The following OR10H1 variants were observed in gnomAD, a reference collection of about 807,000 sequenced individuals.
The protein encoded by OR10H1 is olfactory receptor 10H1.
Under a neutral mutation model 13.1 loss-of-function variants are expected in OR10H1, and 12 were observed. The observed-to-expected ratio is 0.92, with a 90% CI of 0.59 to 1.48. OR10H1 has a LOEUF of 1.48. Among genes scored for constraint, OR10H1 ranks in the 40% most tolerant of loss-of-function variants. The pLI, the probability that OR10H1 is intolerant of heterozygous loss-of-function variation, is 0.00. For synonymous variants in OR10H1, 168 were observed against 175.6 expected (o/e 0.96, Z 0.34); for missense variants, 363 against 413.1 (o/e 0.88, Z 1.05).
Position 15,813,562 on chromosome 19 carries a change from G to A in OR10H1, c.-777-684C>T, listed in dbSNP as rs550939266. On this transcript the variant is annotated intron_variant, in intron 1 of 3. Coordinates refer to ENST00000641419, the MANE Select transcript of OR10H1 (RefSeq NM_013940.4). ...AGAAAGAAAGAGAGGTGGGGAGAGAGAAAGAGAGAGACAGAGAGGTGGAGA... is the reference window on the plus strand; with the variant it reads ...AGAAAGAAAGAGAGGTGGGGAGAGAAAAAGAGAGAGACAGAGAGGTGGAGA... Among the ~76,000 whole-genome samples the A allele has an allele frequency of 1.2e-4, 18 of 150,672 alleles. No individual in the cohort carries two copies. The South Asian group carries it at 1.3e-3, about 11-fold the overall frequency.
chr19:15,808,340 G>A (rs2144941406), intron 3 of OR10H1, among the ~76,000 whole-genome samples: 1 of 152,238 alleles, frequency 6.6e-6, no homozygotes, highest in South Asian at 2.1e-4. Context: ...TAGCTGGGCT[G>A]GCTCTAAAAC....
chr19:15,814,486 A>T (rs879899081), intron 1 of OR10H1, among the ~76,000 whole-genome samples: 1,105 of 37,088 alleles, frequency 0.03, 4 homozygotes, highest in Non-Finnish European at 0.049. Flanking sequence ...TGTGTGAGAG[A>T]GAGAGAGAGA....
Position 15,807,277 on chromosome 19 carries a change from C to G in OR10H1, c.761G>C (p.Gly254Ala). 1 of 1,614,096 alleles carries G rather than the reference C, an allele frequency of 6.2e-7. No homozygotes were observed. Residue 254 changes from glycine (G) to alanine (A), a missense_variant, in exon 4 of 4, where the codon GGC (glycine) becomes GCC (alanine). Physicochemically the swap from Gly to Ala is moderately conservative, Grantham distance 60. This residue lies in a region of OR10H1 where 318 missense variants were observed against 366.6 expected (regional missense o/e 0.87). Coordinates refer to ENST00000641419, the MANE Select transcript of OR10H1 (RefSeq NM_013940.4). ...SHLTVVVVHY[G>A]FASVIYLKPK... is the part of the protein sequence containing the mutation. ...CTTCAGGTAAATGACGGAGGCAAAGCCATAGTGCACGACCACCACAGTGAG... is the reference window on the plus strand; with the variant it reads ...CTTCAGGTAAATGACGGAGGCAAAGGCATAGTGCACGACCACCACAGTGAG...
rs1455551780 is a variant in OR10H1 at position 15,812,752 on chromosome 19, G to GGGAC, written c.-652_-651insGTCC. 2 of 149,874 alleles carry GGGAC rather than the reference G, an allele frequency of 1.3e-5. No individual in the cohort carries two copies. The highest frequency in any genetic ancestry group is 4.1e-4 in the East Asian group (2 of 4,846). The allele number at this position is 149,874 out of a possible 1,614,324, so 9.3% of individuals were successfully genotyped here. ...AGGGAGGAATGGAGGGAGGAAGGAA[G>GGGAC]GGAGGGAGGGAGAAACCTTGAGAGG... On this transcript the variant is annotated 5_prime_UTR_variant, in exon 2 of 4. It removes the in-frame stop codon of an upstream open reading frame in the 5' UTR. Transcript: ENST00000641419.
chr19:15,811,642 A>C (rs1200399115), intron 2 of OR10H1, among the ~76,000 whole-genome samples: 1 of 151,986 alleles, frequency 6.6e-6, no homozygotes, highest in Non-Finnish European at 1.5e-5. Flanking sequence ...TCACCTGGCA[A>C]ACCCCTGTTT....
At chr19:15,811,252 T>A (rs1354338445) in intron 2 of OR10H1, among the ~76,000 whole-genome samples, 4 of 152,102 alleles carry the variant, frequency 2.6e-5, no homozygotes, top group Non-Finnish European at 5.9e-5. Context: ...GAGGAGTAAA[T>A]GACTTGGAAA....
Position 15,807,390 on chromosome 19 carries a change from G to A in OR10H1, c.648C>T (p.Leu216=), listed in dbSNP as rs910305437. Residue 216 remains leucine, a synonymous_variant, in exon 4 of 4, where the codon CTC becomes CTT. Coordinates refer to ENST00000641419, the MANE Select transcript of OR10H1 (RefSeq NM_013940.4). ...CGGCCACGATGAAGGCATAGGAGAG[G>A]AGGATGAGGAGAAAACAGCCCAGCA... ...TALLGCFLLI[L]LSYAFIVAAI... The A allele has an allele frequency of 6.2e-7, 1 of 1,614,182 alleles. No individual in the cohort carries two copies. Among genetic ancestry groups the A allele is most frequent in the Non-Finnish European group, 8.5e-7 (1 of 1,180,040 alleles).
chr19:15,811,297 T>C (rs2088931386), intron 2 of OR10H1, among the ~76,000 whole-genome samples: 1 of 152,132 alleles, frequency 6.6e-6, no homozygotes, highest in African/African-American at 2.4e-5. Flanking sequence ...ATGGGCGAGA[T>C]TGGTGCCCTG....
At chr19:15,814,508 A>G (rs1453450772) in intron 1 of OR10H1, among the ~76,000 whole-genome samples, 1 of 129,828 alleles carries the variant, frequency 7.7e-6, no homozygotes, top group Non-Finnish European at 1.7e-5. Context: ...AGAGAGAGAG[A>G]GAGAGAGAGA....
At position 15,812,761 on chromosome 19, in the gene OR10H1, G is replaced by A. The variant is rs2088941785; in HGVS notation, c.-660C>T. The A allele has an allele frequency of 6.7e-6, 1 of 149,878 alleles. No individual in the cohort carries two copies. Among genetic ancestry groups the A allele is most frequent in the African/African-American group, 2.5e-5 (1 of 40,082 alleles). The allele number at this position is 149,878 out of a possible 1,614,324, so 9.3% of individuals were successfully genotyped here. On this transcript the variant is annotated 5_prime_UTR_variant, in exon 2 of 4. Coordinates refer to ENST00000641419, the MANE Select transcript of OR10H1 (RefSeq NM_013940.4). ...TGGAGGGAGGAAGGAAGGGAGGGAG[G>A]GAGAAACCTTGAGAGGACAGGAGCC...
Position 15,812,774 on chromosome 19 carries a change from G to A in OR10H1, c.-673C>T, listed in dbSNP as rs1467669929. 1.5e-5 allele frequency: 2 copies of A among 134,560 alleles called. No homozygotes were observed. Among genetic ancestry groups the A allele is most frequent in the Admixed American group, 1.4e-4 (2 of 13,878 alleles). The allele number at this position is 134,560 out of a possible 1,614,324, so 8.3% of individuals were successfully genotyped here. A position where few individuals can be genotyped will look rare whatever the true frequency, so the allele number is the denominator to read the frequency against. On this transcript the variant is annotated 5_prime_UTR_variant, in exon 2 of 4. Coordinates refer to ENST00000641419, the MANE Select transcript of OR10H1 (RefSeq NM_013940.4). The stretch of plus-strand genomic sequence containing the variant: ...GAAGGGAGGGAGGGAGAAACCTTGA[G>A]AGGACAGGAGCCGATCACGTCTGTA...
At position 15,808,018 on chromosome 19, in the gene OR10H1, G is replaced by A. The variant is rs1481288851; in HGVS notation, c.20C>T (p.Ser7Phe). The A allele has an allele frequency of 6.2e-7, 1 of 1,613,138 alleles. No individual in the cohort carries two copies. The highest frequency in any genetic ancestry group is 1.7e-5 in the Admixed American group (1 of 59,986). Reference sequence around the variant, plus strand: ...GACGAGGATGAATTGGGTCACTGTGGAGTGATTGGCTCTCTGCATGGAGGC... The same window carrying A: ...GACGAGGATGAATTGGGTCACTGTGAAGTGATTGGCTCTCTGCATGGAGGC... MQRANH[S>F]TVTQFILVGF... The change falls in exon 4 of 4, where the codon TCC becomes TTC. Residue 7 changes from serine (S) to phenylalanine (F), a missense_variant. Transcript: ENST00000641419.
Position 15,806,902 on chromosome 19 carries a change from T to C in OR10H1, c.*179A>G, listed in dbSNP as rs767929818. ...CCAACATGCCTGGCTAATTTTTGTA[T>C]TTTTAGTAGAGATGGGGTTTCGCCA... On this transcript the variant is annotated 3_prime_UTR_variant, in exon 4 of 4. Coordinates refer to ENST00000641419, the MANE Select transcript of OR10H1 (RefSeq NM_013940.4). The C allele has an allele frequency of 4.5e-5, 27 of 599,282 alleles. No individual in the cohort carries two copies. The highest frequency in any genetic ancestry group is 7.3e-5 in the Non-Finnish European group (25 of 341,824). The allele number at this position is 599,282 out of a possible 1,614,324, so 37.1% of individuals were successfully genotyped here. A position where few individuals can be genotyped will look rare whatever the true frequency, so the allele number is the denominator to read the frequency against.
intron 2 of OR10H1, among the ~76,000 whole-genome samples, chr19:15,809,561 G>A (rs1183860928): frequency 1.3e-5 from 2 of 152,062 alleles, no homozygotes; most frequent in African/African-American, 4.8e-5. Context: ...CCAAAGTGCT[G>A]GAATTACAGA....
rs2144938120 is a variant in OR10H1, at chr19:15,805,428, T to A, written c.*1653A>T. ...ATCCCTGCCCATTGGGAAGAGACCA[T>A]GAGGTAAACTTTCTTTTTTTTTTTT... On this transcript the variant is annotated 3_prime_UTR_variant, in exon 4 of 4. Coordinates refer to ENST00000641419, the MANE Select transcript of OR10H1 (RefSeq NM_013940.4). The A allele has an allele frequency of 6.9e-6, 1 of 145,622 alleles. No individual in the cohort carries two copies. Among genetic ancestry groups the A allele is most frequent in the East Asian group, 2.0e-4 (1 of 4,970 alleles). The allele number at this position is 145,622 out of a possible 1,614,324, so 9.0% of individuals were successfully genotyped here.
chr19:15,807,845 C>T lies in OR10H1; in HGVS notation c.193G>A (p.Ala65Thr), dbSNP rs762967326. Reference sequence around the variant, plus strand: ...TAGAGGATCTCGGAGACGGAGAGGGCGCACAGGAAGAGGTACATGGGCGTG... The same window carrying T: ...TAGAGGATCTCGGAGACGGAGAGGGTGCACAGGAAGAGGTACATGGGCGTG... ...LHTPMYLFLCALSVSEILYTV... is the reference protein window; with the variant it reads ...LHTPMYLFLCTLSVSEILYTV... Residue 65 changes from alanine (A) to threonine (T), a missense_variant, in exon 4 of 4, where the codon GCC (alanine) becomes ACC (threonine). By Grantham distance (58) the Ala-to-Thr change is moderately conservative (BLOSUM62 0). This residue lies in a region of OR10H1 where 318 missense variants were observed against 366.6 expected (regional missense o/e 0.87). Transcript: ENST00000641419. 1.8e-5 allele frequency: 29 copies of T among 1,609,536 alleles called. No individual in the cohort carries two copies. The highest frequency in any genetic ancestry group is 3.3e-5 in the Admixed American group (2 of 59,916).
In OR10H1 at chr19:15,807,042, C is replaced by T. The variant is rs1568452677; in HGVS notation, c.*39G>A. 1 of 1,567,902 alleles carries T rather than the reference C, an allele frequency of 6.4e-7. No homozygotes were observed. The highest frequency in any genetic ancestry group is 8.7e-7 in the Non-Finnish European group (1 of 1,147,848). On this transcript the variant is annotated 3_prime_UTR_variant, in exon 4 of 4. Transcript: ENST00000641419. Reference sequence around the variant, plus strand: ...ACGGAACGTAATTTTTAACAATAGCCTTCGGTAATCCAATTTAGTTGTTCC... The same window carrying T: ...ACGGAACGTAATTTTTAACAATAGCTTTCGGTAATCCAATTTAGTTGTTCC...
chr19:15,807,924 C>A lies in OR10H1; in HGVS notation c.114G>T (p.Thr38=). 6.2e-7 allele frequency: 1 copy of A among 1,613,930 alleles called. No homozygotes were observed. Among genetic ancestry groups the A allele is most frequent in the South Asian group, 1.1e-5 (1 of 91,068 alleles). Residue 38 remains threonine (T), a synonymous_variant, in exon 4 of 4, where the codon ACG becomes ACT. Transcript: ENST00000641419. The part of the protein sequence containing the change: ...FLLFLLMYLF[T]LLGNLLIMAT... ...CCATGATGAGCAGGTTGCCCAGCAG[C>A]GTGAACAGGTACATCAGCAGGAACA...
chr19:15,814,489 G>GT (rs1485447326), intron 1 of OR10H1, among the ~76,000 whole-genome samples: 19 of 35,230 alleles, frequency 5.4e-4, no homozygotes, highest in African/African-American at 2.1e-3. Context: ...GTGAGAGAGA[G>GT]AGAGAGAGAG....
Sources: allele counts gnomAD v4.1 joint callset (sites outside exome capture counted in the v4.1 genomes callset), GRCh38; gene constraint gnomAD v4.1.1; regional missense constraint gnomAD v4.1.1; transcripts MANE v1.5; gene names NCBI Gene and HGNC (gene_info 2026-07-23, HGNC 2026-07-21).